The following PCDH11X variants were observed in gnomAD, a reference collection of about 807,000 sequenced individuals.
PCDH11X encodes protocadherin 11 X-linked.
PCDH11X carries 18 observed loss-of-function variants against 53.3 expected under a neutral mutation model. The observed-to-expected ratio is 0.34, with a 90% CI of 0.23 to 0.50. The LOEUF (loss-of-function observed/expected upper bound fraction) is 0.50. PCDH11X is among the 20% of genes least tolerant of loss of function. The probability of loss-of-function intolerance (pLI) is 0.98; values close to 1 mark genes in which losing one functional copy is unlikely to be tolerated. For missense variants in PCDH11X, 570 were observed against 1,032.4 expected (o/e 0.55, Z 6.14); for synonymous variants, 279 against 393.3 (o/e 0.71, Z 3.44).
At chrX:91,997,301 G>A (rs2147953932) in intron 6 of PCDH11X, among the ~76,000 whole-genome samples, 1 of 110,265 alleles carries the variant, frequency 9.1e-6, no homozygotes, top group East Asian at 2.9e-4. Context: ...CCTTATCTTA[G>A]AGGAAAAGTT....
chrX:92,148,040 C>T (rs1450787240), intron 6 of PCDH11X, among the ~76,000 whole-genome samples: 12 of 53,902 alleles, frequency 2.2e-4, no homozygotes, highest in African/African-American at 1.5e-3. Context: ...TTCCTTCTTT[C>T]CCTTCCTTCC....
At chrX:92,319,114 C>T (rs964621753) in intron 8 of PCDH11X, among the ~76,000 whole-genome samples, 21 of 111,852 alleles carry the variant, frequency 1.9e-4, no homozygotes, top group Admixed American at 9.5e-5. Flanking sequence ...AGATTTCATT[C>T]TCTATCAAAA....
Position 92,585,389 on chromosome X carries a change from T to G in PCDH11X, c.3368-32875T>G, listed in dbSNP as rs867143879. 4.2e-3 allele frequency among the ~76,000 whole-genome samples: 447 copies of G among 105,547 alleles called. 1 individual carries two copies. Among genetic ancestry groups the G allele is most frequent in the African/African-American group, 0.014 (413 of 28,760 alleles). The allele number at this position is 105,547 out of a possible 115,157, so 91.7% of individuals were successfully genotyped here. On this transcript the variant is annotated intron_variant, in intron 10 of 10. Coordinates refer to ENST00000682573, the MANE Select transcript of PCDH11X (RefSeq NM_032968.5). ...TTTCTTTTTCTTTTTTTTTTTTTTT[T>G]GGGACAGAGTCTCGCTCTGTCGCCC... is the stretch of plus-strand genomic sequence containing the variant.
intron 9 of PCDH11X, among the ~76,000 whole-genome samples, chrX:92,445,192 C>CTTGTT (rs2072610942): frequency 6.1e-5 from 1 of 16,528 alleles, no homozygotes; most frequent in Non-Finnish European, 1.0e-4. Context: ...TGGTCCAGGG[C>CTTGTT]TTTTTTTTTT....
chrX:92,377,197 C>A (rs964019805), intron 8 of PCDH11X, among the ~76,000 whole-genome samples: 4 of 111,323 alleles, frequency 3.6e-5, no homozygotes, highest in African/African-American at 9.8e-5. Flanking sequence ...TTAAATAAAC[C>A]ATTGAATGCA....
Position 92,502,068 on chromosome X carries a change from A to G in PCDH11X, c.3367+33746A>G, listed in dbSNP as rs184156987. Among the ~76,000 whole-genome samples the G allele has an allele frequency of 4.5e-3, 499 of 110,699 alleles. 7 individuals are homozygous for G. In the South Asian group the frequency reaches 0.055, roughly 12 times the overall value. ...GCAAAAATCGCTAGCATCCTTATAC[A>G]CCAACAAAAGGCAAGCAGAGAGCAA... On this transcript the variant is annotated intron_variant, in intron 10 of 10. Transcript: ENST00000682573.
chrX:92,408,445 T>C (rs35873010), intron 9 of PCDH11X, among the ~76,000 whole-genome samples: 28,419 of 108,353 alleles, frequency 0.26, 4,074 homozygotes, highest in African/African-American at 0.54. Flanking sequence ...ATTTGCCTTG[T>C]CAAGCTCATG....
At chrX:92,252,158 G>A (rs2067473266) in intron 7 of PCDH11X, among the ~76,000 whole-genome samples, 1 of 111,166 alleles carries the variant, frequency 9.0e-6, no homozygotes, top group Admixed American at 9.6e-5. Context: ...ACTGAATAGA[G>A]TTCTGAAATA....
At chrX:92,221,781 A>T (rs2033331719) in intron 7 of PCDH11X, among the ~76,000 whole-genome samples, 1 of 111,424 alleles carries the variant, frequency 9.0e-6, no homozygotes, top group African/African-American at 3.3e-5. Context: ...CTACTGTATG[A>T]CCATTAGATT....
chrX:92,485,986 C>T (rs2073633285), intron 10 of PCDH11X, among the ~76,000 whole-genome samples: 1 of 110,584 alleles, frequency 9.0e-6, no homozygotes, highest in Non-Finnish European at 1.9e-5. Flanking sequence ...TATCAGAATA[C>T]AGAACAGAGT....
intron 9 of PCDH11X, among the ~76,000 whole-genome samples, chrX:92,411,869 AAAG>A (rs1196582904): frequency 1.7e-3 from 136 of 81,143 alleles, no homozygotes; most frequent in African/African-American, 7.4e-3. Context: ...AGAAAGAAAG[AAAG>A]AAGAAGAAGA....
chrX:91,983,739 A>G (rs1480532022), intron 6 of PCDH11X, among the ~76,000 whole-genome samples: 2 of 111,923 alleles, frequency 1.8e-5, no homozygotes, highest in African/African-American at 3.3e-5. Flanking sequence ...GGGAGCTACA[A>G]GATGAGATTT....
At chrX:92,580,304 C>G (rs1923511588) in intron 10 of PCDH11X, among the ~76,000 whole-genome samples, 1 of 108,436 alleles carries the variant, frequency 9.2e-6, no homozygotes, top group Non-Finnish European at 1.9e-5. Context: ...TCCCCCTCAT[C>G]CGGACTGCCT....
intron 10 of PCDH11X, among the ~76,000 whole-genome samples, chrX:92,485,259 T>C (rs1045667380): frequency 9.0e-6 from 1 of 111,160 alleles, no homozygotes; most frequent in African/African-American, 3.3e-5. Flanking sequence ...TATATAATAG[T>C]GTATTTACCC....
At chrX:92,092,564 G>A (rs2064066156) in intron 6 of PCDH11X, among the ~76,000 whole-genome samples, 1 of 111,124 alleles carries the variant, frequency 9.0e-6, no homozygotes. Flanking sequence ...AAGACAACTC[G>A]AAGCAAAAGC....
chrX:92,372,084 G>T (rs901512091), intron 8 of PCDH11X, among the ~76,000 whole-genome samples: 1 of 110,650 alleles, frequency 9.0e-6, no homozygotes, highest in African/African-American at 3.3e-5. Context: ...AATTGAAAAA[G>T]AAATTAAAGC....
At chrX:92,145,331 C>CT (rs2065251579) in intron 6 of PCDH11X, among the ~76,000 whole-genome samples, 1 of 110,579 alleles carries the variant, frequency 9.0e-6, no homozygotes, top group African/African-American at 3.3e-5. Flanking sequence ...TATTTATTTT[C>CT]TTTTTTATGA....
chrX:91,956,849 T>A (rs1014648344), intron 6 of PCDH11X, among the ~76,000 whole-genome samples: 1 of 104,517 alleles, frequency 9.6e-6, no homozygotes, highest in Non-Finnish European at 1.9e-5. Context: ...CTGAAATATG[T>A]TTTCCAAGTT....
At chrX:92,373,691 G>A (rs1284309516) in intron 8 of PCDH11X, among the ~76,000 whole-genome samples, 1 of 111,826 alleles carries the variant, frequency 8.9e-6, no homozygotes, top group Non-Finnish European at 1.9e-5. Context: ...GAATGACGCT[G>A]AGGTATTAAC....
Sources: allele counts gnomAD v4.1 joint callset (sites outside exome capture counted in the v4.1 genomes callset), GRCh38; gene constraint gnomAD v4.1.1; transcripts MANE v1.5; gene names NCBI Gene and HGNC (gene_info 2026-07-23, HGNC 2026-07-21).